Variants in SEMA3A observed in about 807,000 individuals in gnomAD.
The protein encoded by SEMA3A is semaphorin-3A.
SEMA3A carries 29 observed loss-of-function variants against 97.9 expected under a neutral mutation model. The ratio of observed to expected loss-of-function variants is 0.30; its 90% CI spans 0.22 to 0.40. The LOEUF (loss-of-function observed/expected upper bound fraction) is 0.40. Among genes scored for constraint, SEMA3A ranks in the 10% least tolerant of loss-of-function variants. SEMA3A has a pLI of 1.00. For synonymous variants in SEMA3A, 321 were observed against 323.7 expected (o/e 0.99, Z 0.09); for missense variants, 763 against 951.3 (o/e 0.80, Z 2.60).
At chr7:84,095,931 T>A (rs1311173827) in intron 4 of SEMA3A, among the ~76,000 whole-genome samples, 2 of 151,954 alleles carry the variant, frequency 1.3e-5, no homozygotes, top group African/African-American at 4.8e-5. Flanking sequence ...GTAATACTAT[T>A]TTTATAAAAG....
chr7:84,024,148 T>C (rs1035495377), intron 6 of SEMA3A, among the ~76,000 whole-genome samples: 5 of 152,236 alleles, frequency 3.3e-5, no homozygotes, highest in Admixed American at 3.3e-4. Context: ...AAGCAAGTAT[T>C]TCCTTCACTG....
At chr7:84,087,266 AT>A in intron 4 of SEMA3A, among the ~76,000 whole-genome samples, 1 of 152,268 alleles carries the variant, frequency 6.6e-6, no homozygotes, top group East Asian at 1.9e-4. Context: ...ATTTTGTGTT[AT>A]TTAACATTTT....
At chr7:84,382,540 T>A (rs1238768030) in intron 1 of SEMA3A, among the ~76,000 whole-genome samples, 1 of 151,428 alleles carries the variant, frequency 6.6e-6, no homozygotes, top group African/African-American at 2.4e-5. Flanking sequence ...TGTTTCAAAT[T>A]CAAATCACAA....
chr7:84,282,535 A>G (rs1207146365), intron 3 of SEMA3A, among the ~76,000 whole-genome samples: 1 of 152,132 alleles, frequency 6.6e-6, no homozygotes, highest in African/African-American at 2.4e-5. Flanking sequence ...AACATCTTCT[A>G]TTTGTGAAGT....
At chr7:84,131,201 T>G (rs1371513982) in intron 2 of SEMA3A, among the ~76,000 whole-genome samples, 1 of 152,034 alleles carries the variant, frequency 6.6e-6, no homozygotes, top group Non-Finnish European at 1.5e-5. Context: ...TTAATGAGGG[T>G]AAGTATAAGC....
intron 1 of SEMA3A, among the ~76,000 whole-genome samples, chr7:84,168,910 A>C (rs1797299221): frequency 6.6e-6 from 1 of 151,788 alleles, no homozygotes; most frequent in African/African-American, 2.4e-5. Flanking sequence ...ATATAACTTT[A>C]TGTTCTTGAG....
chr7:84,404,966 C>T (rs936320342), intron 1 of SEMA3A, among the ~76,000 whole-genome samples: 14 of 152,166 alleles, frequency 9.2e-5, no homozygotes, highest in Admixed American at 6.5e-5. Context: ...ACCATCAAGG[C>T]TAGGAAGAAA....
chr7:84,285,433 A>T (rs959914711), intron 3 of SEMA3A, among the ~76,000 whole-genome samples: 1 of 152,226 alleles, frequency 6.6e-6, no homozygotes, highest in Non-Finnish European at 1.5e-5. Context: ...TAAAACATGC[A>T]GTTATGGCAG....
chr7:84,095,382 T>C (rs1156964667), intron 4 of SEMA3A, among the ~76,000 whole-genome samples: 1 of 142,470 alleles, frequency 7.0e-6, no homozygotes, highest in African/African-American at 2.6e-5. Flanking sequence ...TATATATATA[T>C]ATATATTCCC....
At chr7:84,193,976 T>C (rs1304930656) in intron 1 of SEMA3A, among the ~76,000 whole-genome samples, 2 of 152,152 alleles carry the variant, frequency 1.3e-5, no homozygotes, top group Non-Finnish European at 1.5e-5. Flanking sequence ...TGGCAAACCA[T>C]GATCTACTGC....
chr7:84,046,062 C>T (rs138316028), intron 6 of SEMA3A, among the ~76,000 whole-genome samples: 15 of 151,942 alleles, frequency 9.9e-5, no homozygotes, highest in Admixed American at 2.6e-4. Flanking sequence ...TCCTCCCTTC[C>T]GTAGCTCCGG....
intron 2 of SEMA3A, among the ~76,000 whole-genome samples, chr7:84,321,341 T>G (rs1312054842): frequency 2.0e-5 from 3 of 152,216 alleles, no homozygotes; most frequent in African/African-American, 7.2e-5. Context: ...TGAACTATAA[T>G]TATCACTAAA....
At chr7:84,270,689 A>G (rs1371703546) in intron 3 of SEMA3A, among the ~76,000 whole-genome samples, 1 of 149,208 alleles carries the variant, frequency 6.7e-6, no homozygotes, top group Non-Finnish European at 1.5e-5. Flanking sequence ...ATAGATATAT[A>G]TGCATCTTTT....
intron 1 of SEMA3A, among the ~76,000 whole-genome samples, chr7:84,387,274 C>CAATAAATA (rs879287670): frequency 6.6e-6 from 1 of 151,864 alleles, no homozygotes; most frequent in Middle Eastern, 3.4e-3. Flanking sequence ...TTTACCACTG[C>CAATAAATA]AATAAATAAA....
chr7:84,444,482 T>C (rs181470249), intron 1 of SEMA3A, among the ~76,000 whole-genome samples: 218 of 152,286 alleles, frequency 1.4e-3, no homozygotes, highest in Middle Eastern at 6.8e-3. Flanking sequence ...TCTTTACAAA[T>C]TAAATTAGAT....
chr7:84,062,765 T>G (rs940473263), intron 4 of SEMA3A, among the ~76,000 whole-genome samples: 13 of 151,682 alleles, frequency 8.6e-5, no homozygotes, highest in African/African-American at 3.2e-4. Flanking sequence ...GCTTGGAGGG[T>G]CCTACACCCA....
chr7:84,129,915 T>G (rs1057389887), intron 2 of SEMA3A, among the ~76,000 whole-genome samples: 2 of 152,034 alleles, frequency 1.3e-5, no homozygotes, highest in Non-Finnish European at 2.9e-5. Flanking sequence ...TTCCAAAACG[T>G]CCCATATTGT....
intron 1 of SEMA3A, among the ~76,000 whole-genome samples, chr7:84,441,623 G>GA (rs1805276189): frequency 6.6e-6 from 1 of 151,970 alleles, no homozygotes; most frequent in African/African-American, 2.4e-5. Context: ...AATGTTTCAA[G>GA]AAAAGATGGC....
At chr7:84,248,801 C>T (rs1324301399) in intron 3 of SEMA3A, among the ~76,000 whole-genome samples, 1 of 151,828 alleles carries the variant, frequency 6.6e-6, no homozygotes, top group Admixed American at 6.6e-5. Context: ...GGGTCTGTAC[C>T]TAGGAGAGAC....
Sources: gnomAD v4.1 joint callset for allele counts (sites outside exome capture counted in the v4.1 genomes callset) on GRCh38, gnomAD v4.1.1 for gene constraint, MANE v1.5 for transcripts, NCBI Gene and HGNC (gene_info 2026-07-23, HGNC 2026-07-21) for gene names.